Variants in C1orf21 observed in about 807,000 individuals in gnomAD.
C1orf21 encodes the protein chromosome 1 open reading frame 21, also known as uncharacterized protein C1orf21.
Under a neutral mutation model 18.7 loss-of-function variants are expected in C1orf21, and 3 were observed. That is an observed-to-expected ratio of 0.16 (90% confidence interval 0.07 to 0.42). The LOEUF (loss-of-function observed/expected upper bound fraction) is 0.42, where lower values mean the gene tolerates loss of function less well. Ranked by LOEUF, C1orf21 falls within the 10% of genes least tolerant of loss-of-function variation. The pLI is 0.99. For missense variants in C1orf21, 104 were observed against 143.6 expected (o/e 0.72, Z 1.41); for synonymous variants, 41 against 46.4 (o/e 0.88, Z 0.47).
chr1:184,603,925 A>G (rs983864968), intron 5 of C1orf21, among the ~76,000 whole-genome samples: 17 of 152,264 alleles, frequency 1.1e-4, no homozygotes, highest in Admixed American at 8.5e-4. Context: ...CTCAGAACTA[A>G]CGTGGTTGGT....
At chr1:184,477,319 C>T in intron 1 of C1orf21, 67 bp from the exon 2 acceptor site, 1 of 569,486 alleles carries the variant, frequency 1.8e-6, no homozygotes, top group Non-Finnish European at 3.1e-6. Flanking sequence ...CACAGCACAC[C>T]AACATAGTGA....
chr1:184,472,043 G>C (rs1053202217), intron 1 of C1orf21, among the ~76,000 whole-genome samples: 7 of 152,042 alleles, frequency 4.6e-5, no homozygotes, highest in Non-Finnish European at 1.0e-4. Flanking sequence ...CTTTTAAGTT[G>C]CCTTTCTTCT....
At chr1:184,416,762 A>G (rs1048555680) in intron 1 of C1orf21, among the ~76,000 whole-genome samples, 1 of 152,140 alleles carries the variant, frequency 6.6e-6, no homozygotes, top group Non-Finnish European at 1.5e-5. Flanking sequence ...TCCCTGACCT[A>G]TTGGAATGGG....
rs557663181 is a variant in C1orf21, at chr1:184,625,147, T to C, written c.*5591T>C. Reference sequence around the variant, plus strand: ...TCATTCTGATAGTGTCTGCCCTCTCTACCCTGATTTCGCCCTTCTTTGCTT... The same window carrying C: ...TCATTCTGATAGTGTCTGCCCTCTCCACCCTGATTTCGCCCTTCTTTGCTT... On this transcript the variant is annotated 3_prime_UTR_variant, in exon 6 of 6. Transcript: ENST00000235307. 26 of 152,372 alleles carry C rather than the reference T, an allele frequency of 1.7e-4. No homozygotes were observed. The highest frequency in any genetic ancestry group is 9.1e-4 in the Admixed American group (14 of 15,302). 9.4% of individuals were successfully genotyped at this position (152,372 alleles called of 1,614,324 possible). A position where few individuals can be genotyped will look rare whatever the true frequency, so the allele number is the denominator to read the frequency against.
At chr1:184,461,783 G>C (rs192748233) in intron 1 of C1orf21, among the ~76,000 whole-genome samples, 182 of 152,126 alleles carry the variant, frequency 1.2e-3, no homozygotes, top group Non-Finnish European at 2.0e-3. Flanking sequence ...TCCCTTTGAC[G>C]TACAAATAAA....
chr1:184,539,138 A>C (rs4651217), intron 3 of C1orf21, among the ~76,000 whole-genome samples: 77,498 of 151,878 alleles, frequency 0.51, 20,191 homozygotes, highest in African/African-American at 0.64. Flanking sequence ...GGGGTTTTTC[A>C]CATGTGGCTT....
chr1:184,598,446 T>C lies in C1orf21; in HGVS notation c.312T>C (p.Asp104=). The C allele has an allele frequency of 6.2e-7, 1 of 1,613,462 alleles. No homozygotes were observed. Among genetic ancestry groups the C allele is most frequent in the Non-Finnish European group, 8.5e-7 (1 of 1,179,708 alleles). Residue 104 remains aspartate, a synonymous_variant, in exon 5 of 6, where the codon GAT becomes GAC. Coordinates refer to ENST00000235307, the MANE Select transcript of C1orf21 (RefSeq NM_030806.4). ...ESQQEFFRML[D]EKIEKGRDYC... ...AACAAGAATTCTTCAGAATGCTGGA[T>C]GAAAAAATTGAAAAGGTAAGAAGTG...
chr1:184,410,850 C>G (rs1166616012), intron 1 of C1orf21, among the ~76,000 whole-genome samples: 1 of 147,592 alleles, frequency 6.8e-6, no homozygotes, highest in Non-Finnish European at 1.5e-5. Context: ...CGGGGTTTTG[C>G]CACGTTGTCC....
chr1:184,451,005 G>A (rs916176977), intron 1 of C1orf21, among the ~76,000 whole-genome samples: 6 of 152,132 alleles, frequency 3.9e-5, no homozygotes, highest in East Asian at 3.9e-4. Flanking sequence ...AGCCTCCTGC[G>A]TAGCTGAGAT....
chr1:184,538,575 C>T (rs1658596035), intron 3 of C1orf21, among the ~76,000 whole-genome samples: 1 of 152,044 alleles, frequency 6.6e-6, no homozygotes, highest in Non-Finnish European at 1.5e-5. Context: ...TTTCTAATAA[C>T]AGCTTTATAG....
intron 1 of C1orf21, among the ~76,000 whole-genome samples, chr1:184,477,139 T>C (rs745941562): frequency 1.2e-4 from 19 of 152,152 alleles, no homozygotes; most frequent in Non-Finnish European, 2.9e-5. Context: ...TGGTATCTCC[T>C]CAAAAAGTTC....
chr1:184,432,357 A>G (rs1410511662), intron 1 of C1orf21, among the ~76,000 whole-genome samples: 1 of 152,246 alleles, frequency 6.6e-6, no homozygotes, highest in Non-Finnish European at 1.5e-5. Flanking sequence ...GGATGAGTTC[A>G]TGTCCTTTGC....
At chr1:184,495,529 G>A (rs567298889) in intron 2 of C1orf21, among the ~76,000 whole-genome samples, 5 of 152,044 alleles carry the variant, frequency 3.3e-5, no homozygotes, top group Admixed American at 1.3e-4. Flanking sequence ...AAAAATTAAC[G>A]TCAATATACT....
chr1:184,537,200 A>G (rs944617593), intron 3 of C1orf21, among the ~76,000 whole-genome samples: 1 of 152,216 alleles, frequency 6.6e-6, no homozygotes, highest in African/African-American at 2.4e-5. Flanking sequence ...GAATGCATTC[A>G]TAATTCTGTG....
chr1:184,588,935 C>CTGCT (rs774776557), intron 3 of C1orf21, among the ~76,000 whole-genome samples: 5 of 152,244 alleles, frequency 3.3e-5, no homozygotes, highest in Middle Eastern at 3.4e-3. Context: ...CTTCTCAGTC[C>CTGCT]TGCTTGTCCA....
intron 3 of C1orf21, among the ~76,000 whole-genome samples, chr1:184,518,338 A>T (rs2101968081): frequency 6.6e-6 from 1 of 152,330 alleles, no homozygotes. Flanking sequence ...AGCCCAACAA[A>T]TTATAATGAT....
intron 5 of C1orf21, among the ~76,000 whole-genome samples, chr1:184,602,077 CTAAT>C (rs1659592130): frequency 1.3e-5 from 2 of 152,090 alleles, no homozygotes; most frequent in African/African-American, 4.8e-5. Flanking sequence ...TTAAAAAAAT[CTAAT>C]TATTTTTCTG....
intron 1 of C1orf21, among the ~76,000 whole-genome samples, chr1:184,451,159 T>G (rs745407239): frequency 5.3e-5 from 8 of 152,266 alleles, no homozygotes; most frequent in Non-Finnish European, 8.8e-5. Context: ...ATTACAGGTG[T>G]GAACTGCCAT....
At position 184,398,030 on chromosome 1, in the gene C1orf21, G is replaced by T. The variant is rs10797964; in HGVS notation, c.-125+10662G>T. Reference sequence around the variant, plus strand: ...ACTCATTCTCGGACTCCACTGAGAGGGTCAAGGAGAGGTAGGTGAGGCATC... The same window carrying T: ...ACTCATTCTCGGACTCCACTGAGAGTGTCAAGGAGAGGTAGGTGAGGCATC... On this transcript the variant is annotated intron_variant, in intron 1 of 5. Transcript: ENST00000235307. 2.6e-5 allele frequency among the ~76,000 whole-genome samples: 4 copies of T among 151,958 alleles called. 1 individual carries two copies. The South Asian group carries it at 8.3e-4, about 32-fold the overall frequency.
Sources: allele counts gnomAD v4.1 joint callset (sites outside exome capture counted in the v4.1 genomes callset), GRCh38; gene constraint gnomAD v4.1.1; transcripts MANE v1.5; gene names NCBI Gene and HGNC (gene_info 2026-07-23, HGNC 2026-07-21).